HMCN1: variants seen among roughly 807,000 people sequenced by gnomAD.
HMCN1 encodes hemicentin-1.
A neutral mutation model predicts 625.9 loss-of-function variants in HMCN1; 321 were observed. The observed-to-expected ratio is 0.51, with a 90% CI of 0.47 to 0.56. The LOEUF (loss-of-function observed/expected upper bound fraction) is 0.56. HMCN1 is among the 20% of genes least tolerant of loss of function. The pLI is 0.00. For missense variants in HMCN1, 6,588 were observed against 6,887.3 expected, an observed-to-expected ratio of 0.96 and a Z score of 1.54; for synonymous variants, 2,425 against 2,417.6, an observed-to-expected ratio of 1.00 and a Z score of -0.09.
chr1:185,795,268 C>G (rs1234070100), intron 1 of HMCN1, among the ~76,000 whole-genome samples: 2 of 152,092 alleles, frequency 1.3e-5, no homozygotes, highest in Non-Finnish European at 2.9e-5. Context: ...GTTGCCAACC[C>G]AAATATTTCA....
chr1:185,929,913 C>G (rs1043554029), intron 10 of HMCN1, among the ~76,000 whole-genome samples: 1 of 152,174 alleles, frequency 6.6e-6, no homozygotes, highest in Non-Finnish European at 1.5e-5. Context: ...CAACATTCCT[C>G]AGCTCCTGGG....
chr1:185,751,779 A>G (rs1249928046), intron 1 of HMCN1, among the ~76,000 whole-genome samples: 1 of 151,024 alleles, frequency 6.6e-6, no homozygotes, highest in Non-Finnish European at 1.5e-5. Flanking sequence ...CATCCATTAC[A>G]TTTTCAATTT....
chr1:186,132,438 A>C (rs1661991826), intron 86 of HMCN1, 29 bp downstream of exon 86: 5 of 1,520,004 alleles, frequency 3.3e-6, no homozygotes, highest in Non-Finnish European at 4.5e-6. Context: ...CTAATTAAAC[A>C]CTTGATTTAG....
chr1:186,077,423 G>A (rs138653721), intron 54 of HMCN1, among the ~76,000 whole-genome samples: 274 of 152,098 alleles, frequency 1.8e-3, no homozygotes, highest in African/African-American at 6.2e-3. Flanking sequence ...ATTGTAACAC[G>A]GTTATATAAG....
intron 1 of HMCN1, among the ~76,000 whole-genome samples, chr1:185,829,519 T>C (rs1660727702): frequency 6.6e-6 from 1 of 152,174 alleles, no homozygotes; most frequent in Non-Finnish European, 1.5e-5. Flanking sequence ...TTTGGTTTTC[T>C]ATTCCTGTGT....
At position 186,144,551 on chromosome 1, in the gene HMCN1, C is replaced by G; in HGVS notation, c.14114C>G (p.Thr4705Ser). The G allele has an allele frequency of 1.7e-5, 28 of 1,614,058 alleles. No homozygotes were observed. The highest frequency in any genetic ancestry group is 2.4e-5 in the Non-Finnish European group (28 of 1,179,998). Residue 4705 changes from threonine (T) to serine (S), a missense_variant, in exon 91 of 107, where the codon ACT becomes AGT. By Grantham distance (58) the Thr-to-Ser change is moderately conservative. Around this residue, in one of 3 missense-constraint regions of HMCN1, gnomAD observed 1,954 missense variants for 2,013.1 expected, o/e 0.97. Coordinates refer to ENST00000271588, the MANE Select transcript of HMCN1 (RefSeq NM_031935.3). ...ATTCCAGTTCATGGCAAGTGGGCGA[C>G]TTGGGCCAGTTGGAGTGCCTGTTCT... ...RNCPIHGKWA[T>S]WASWSACSVS... is the part of the protein sequence containing the mutation.
At chr1:185,789,108 C>T (rs1241543339) in intron 1 of HMCN1, among the ~76,000 whole-genome samples, 1 of 152,136 alleles carries the variant, frequency 6.6e-6, no homozygotes, top group East Asian at 1.9e-4. Context: ...TACTTTTCCA[C>T]CACTGAAATC....
intron 2 of HMCN1, among the ~76,000 whole-genome samples, chr1:185,858,163 T>A (rs908014774): frequency 6.6e-6 from 1 of 152,318 alleles, no homozygotes; most frequent in East Asian, 1.9e-4. Flanking sequence ...TATCCATTGA[T>A]GTAAAGAATA....
chr1:186,083,939 G>A (rs1363225019), intron 57 of HMCN1, among the ~76,000 whole-genome samples: 3 of 152,148 alleles, frequency 2.0e-5, no homozygotes, highest in Non-Finnish European at 2.9e-5. Flanking sequence ...TGAATTCTCA[G>A]GAAGAATGAA....
At position 186,063,872 on chromosome 1, in the gene HMCN1, C is replaced by A. The variant is rs533566573; in HGVS notation, c.7513+1272C>A. On this transcript the variant is annotated intron_variant, in intron 48 of 106. Coordinates refer to ENST00000271588, the MANE Select transcript of HMCN1 (RefSeq NM_031935.3). Reference sequence around the variant, plus strand: ...TTGCATATAATCAAAATAAACACATCTCTAAGAGGATATTTTCAAGGCTGT... The same window carrying A: ...TTGCATATAATCAAAATAAACACATATCTAAGAGGATATTTTCAAGGCTGT... Among the ~76,000 whole-genome samples the A allele has an allele frequency of 9.3e-4, 141 of 152,238 alleles. 1 individual carries two copies. Among genetic ancestry groups the A allele is most frequent in the African/African-American group, 3.3e-3 (139 of 41,546 alleles).
At chr1:186,105,035 C>G (rs983240075) in intron 69 of HMCN1, among the ~76,000 whole-genome samples, 1 of 151,952 alleles carries the variant, frequency 6.6e-6, no homozygotes, top group Admixed American at 6.6e-5. Context: ...AAGGCAAGAA[C>G]AAAAAGTCGA....
At chr1:185,925,307 T>C in intron 9 of HMCN1, 116 bp downstream of exon 9, 1 of 1,011,732 alleles carries the variant, frequency 9.9e-7, no homozygotes, top group South Asian at 1.3e-5. Context: ...TAGTCTGGAA[T>C]ATAGCAGTGA....
At chr1:186,139,577 G>C (rs1571407472) in intron 89 of HMCN1, among the ~76,000 whole-genome samples, 1 of 144,558 alleles carries the variant, frequency 6.9e-6, no homozygotes, top group African/African-American at 2.5e-5. Flanking sequence ...CTGTTGTTTT[G>C]TTCACTATTC....
rs567274554 is a variant in HMCN1 at position 185,959,865 on chromosome 1, T to C, written c.1829-2653T>C. Among the ~76,000 whole-genome samples the C allele has an allele frequency of 2.0e-5, 3 of 152,308 alleles. No homozygotes were observed. The South Asian group carries it at 6.2e-4, about 32-fold the overall frequency. On this transcript the variant is annotated intron_variant, in intron 11 of 106. Coordinates refer to ENST00000271588, the MANE Select transcript of HMCN1 (RefSeq NM_031935.3). ...TTAGTTGGCAAATGATGTTACTTCA[T>C]TGATGGAGTTGAACTGTGGTTCTTT...
At chr1:185,919,114 T>A (rs1666877751) in intron 6 of HMCN1, among the ~76,000 whole-genome samples, 1 of 151,492 alleles carries the variant, frequency 6.6e-6, no homozygotes, top group African/African-American at 2.4e-5. Context: ...TTATAAAAAA[T>A]TTATTAAAAT....
chr1:185,941,966 C>G (rs1668101747), intron 11 of HMCN1, among the ~76,000 whole-genome samples: 1 of 151,850 alleles, frequency 6.6e-6, no homozygotes, highest in Non-Finnish European at 1.5e-5. Flanking sequence ...GCAAGATGGG[C>G]AGATTATTTG....
At chr1:186,086,193 G>A in intron 57 of HMCN1, 53 bp from the exon 58 acceptor site, 1 of 1,481,214 alleles carries the variant, frequency 6.8e-7, no homozygotes, top group Non-Finnish European at 9.4e-7. Flanking sequence ...TTAGTAAATG[G>A]GAATATATGT....
At chr1:185,781,010 T>C (rs1403637190) in intron 1 of HMCN1, among the ~76,000 whole-genome samples, 1 of 152,228 alleles carries the variant, frequency 6.6e-6, no homozygotes, top group Non-Finnish European at 1.5e-5. Context: ...CTATTAATTA[T>C]TGCCTCAATT....
chr1:186,162,800 CT>C (rs1436264020), intron 97 of HMCN1, among the ~76,000 whole-genome samples: 1 of 152,164 alleles, frequency 6.6e-6, no homozygotes, highest in Non-Finnish European at 1.5e-5. Flanking sequence ...GTACCCGGCC[CT>C]GTGAGGTGTC....
Sources: gnomAD v4.1 joint callset for allele counts (sites outside exome capture counted in the v4.1 genomes callset) on GRCh38, gnomAD v4.1.1 for gene constraint, gnomAD v4.1.1 regional missense constraint, MANE v1.5 for transcripts, NCBI Gene and HGNC (gene_info 2026-07-23, HGNC 2026-07-21) for gene names.